The following ABCA8 variants were observed in gnomAD, a reference collection of about 807,000 sequenced individuals.
ABCA8 encodes the protein ATP binding cassette subfamily A member 8.
A neutral mutation model predicts 192.3 loss-of-function variants in ABCA8; 177 were observed. The observed-to-expected ratio is 0.92, with a 90% CI of 0.81 to 1.04. The LOEUF (loss-of-function observed/expected upper bound fraction) is 1.04. ABCA8 is among the 50% of genes least tolerant of loss of function. The pLI is 0.00. For missense variants in ABCA8, 1,915 were observed against 1,904.8 expected, an observed-to-expected ratio of 1.01 and a Z score of -0.10; for synonymous variants, 642 against 690.2, an observed-to-expected ratio of 0.93 and a Z score of 1.09.
intron 10 of ABCA8, among the ~76,000 whole-genome samples, chr17:68,926,450 CA>C (rs1379628972): frequency 2.6e-5 from 4 of 151,188 alleles, no homozygotes; most frequent in Admixed American, 6.6e-5. Context: ...GATAGAAACA[CA>C]AAAAAAAGTC....
chr17:68,919,322 C>A lies in ABCA8; in HGVS notation c.1767G>T (p.Leu589=). Reference sequence around the variant, plus strand: ...GTACCTCTTTATCCACTTCTTGTGGCAGAATCCCTTTTATTTTAGCAAAGA... The same window carrying A: ...GTACCTCTTTATCCACTTCTTGTGGAAGAATCCCTTTTATTTTAGCAAAGA... ...LRLFAKIKGI[L]PQEVDKEIQR... The change falls in exon 14 of 40, where the codon CTG becomes CTT. Residue 589 remains leucine, a synonymous_variant. Coordinates refer to ENST00000586539, the MANE Select transcript of ABCA8 (RefSeq NM_001288985.2). The A allele has an allele frequency of 6.2e-7, 1 of 1,612,078 alleles. No homozygotes were observed. The highest frequency in any genetic ancestry group is 8.5e-7 in the Non-Finnish European group (1 of 1,179,116).
chr17:68,902,408 G>A (rs2066938470), intron 21 of ABCA8, among the ~76,000 whole-genome samples: 1 of 152,172 alleles, frequency 6.6e-6, no homozygotes, highest in Non-Finnish European at 1.5e-5. Context: ...GAAAACCATG[G>A]AATTGTGCAT....
At chr17:68,888,794 C>T (rs577830159) in intron 24 of ABCA8, among the ~76,000 whole-genome samples, 3 of 152,112 alleles carry the variant, frequency 2.0e-5, no homozygotes, top group Non-Finnish European at 4.4e-5. Flanking sequence ...AGAGTCAGAT[C>T]TAGGAGTGAC....
intron 35 of ABCA8, among the ~76,000 whole-genome samples, chr17:68,876,058 C>T (rs2066196856): frequency 1.3e-5 from 2 of 152,108 alleles, no homozygotes; most frequent in Admixed American, 1.3e-4. Flanking sequence ...TTAACAACAG[C>T]GTCTCACAAC....
Position 68,882,635 on chromosome 17 carries a change from TCTCA to T in ABCA8, c.3788_3791del (p.Val1263GlufsTer6). 6.2e-7 allele frequency: 1 copy of T among 1,612,928 alleles called. No individual in the cohort carries two copies. The highest frequency in any genetic ancestry group is 1.1e-5 in the South Asian group (1 of 91,004). ...TAGTAGAATTCAAGGCATTTGCTGT[TCTCA>T]CTCTTTCCATCTGAACATCTTCATC... On this transcript the variant is annotated frameshift_variant, in exon 30 of 40. Transcript: ENST00000586539. LOFTEE classifies it high-confidence loss of function.
chr17:68,951,004 C>T (rs1168607247), intron 1 of ABCA8, among the ~76,000 whole-genome samples: 1 of 152,030 alleles, frequency 6.6e-6, no homozygotes, highest in African/African-American at 2.4e-5. Flanking sequence ...TGAGAGCAGA[C>T]CTGGCCTAGC....
chr17:68,907,946 TTAAC>T, intron 17 of ABCA8, 67 bp from the exon 18 acceptor site: 7 of 1,391,164 alleles, frequency 5.0e-6, no homozygotes, highest in Non-Finnish European at 6.7e-6. Flanking sequence ...AAGAAAATAA[TTAAC>T]TAGTCTCTAT....
chr17:68,892,369 T>C (rs1471982832), intron 23 of ABCA8, among the ~76,000 whole-genome samples: 1 of 152,176 alleles, frequency 6.6e-6, no homozygotes, highest in African/African-American at 2.4e-5. Flanking sequence ...GTAGGGTCAA[T>C]ACTTAGTGGC....
chr17:68,948,637 A>T (rs112883621), intron 2 of ABCA8, among the ~76,000 whole-genome samples: 2,997 of 152,206 alleles, frequency 0.02, 105 homozygotes, highest in African/African-American at 0.067. Context: ...GATTCTAGAC[A>T]TTAGCCCTTT....
chr17:68,889,514 T>A lies in ABCA8; in HGVS notation c.3144+1975A>T, dbSNP rs889015995. On this transcript the variant is annotated intron_variant, in intron 24 of 39. Transcript: ENST00000586539. The stretch of plus-strand genomic sequence containing the variant: ...TTCTCGCATTTCCAAAAATATCATT[T>A]CCTTTTATTTCAACAATCTCTTTTT... Among the ~76,000 whole-genome samples, 10 of 152,232 alleles carry A rather than the reference T, an allele frequency of 6.6e-5. 1 individual carries two copies. The highest frequency in any genetic ancestry group is 5.9e-4 in the Admixed American group (9 of 15,280).
Position 68,887,032 on chromosome 17 carries a change from T to G in ABCA8, c.3414A>C (p.Ser1138=). 6.2e-7 allele frequency: 1 copy of G among 1,604,308 alleles called. No homozygotes were observed. Among genetic ancestry groups the G allele is most frequent in the Non-Finnish European group, 8.5e-7 (1 of 1,171,800 alleles). Residue 1138 remains serine (S), a synonymous_variant, in exon 26 of 40, where the codon TCA becomes TCC. Coordinates refer to ENST00000586539, the MANE Select transcript of ABCA8 (RefSeq NM_001288985.2). The stretch of plus-strand genomic sequence containing the variant: ...ATATACTTACAACATAGAAACAAAA[T>G]GACCAAATGCCACTATTTTTTCTCC... ...RKGRKNSGIW[S]FCFYVVTVFS...
intron 2 of ABCA8, among the ~76,000 whole-genome samples, chr17:68,947,085 A>G (rs1399078044): frequency 2.6e-5 from 4 of 152,190 alleles, no homozygotes; most frequent in Admixed American, 1.3e-4. Flanking sequence ...CTAAATGCAT[A>G]TTGGAAACAT....
rs181071489 is a variant in ABCA8, at chr17:68,911,336, G to T, written c.2139-3457C>A. 2.6e-5 allele frequency among the ~76,000 whole-genome samples: 4 copies of T among 152,000 alleles called. No individual in the cohort carries two copies. Among genetic ancestry groups the T allele is most frequent in the African/African-American group, 4.8e-5 (2 of 41,392 alleles). ...GCAGGCCTGGGGCAGTGGTGACTAG[G>T]GGGAGAGACTCCTTCTCCTTGAGGA... On this transcript the variant is annotated intron_variant, in intron 17 of 39. Coordinates refer to ENST00000586539, the MANE Select transcript of ABCA8 (RefSeq NM_001288985.2). This position sits in a 1 kb window ranked among gnomAD's most constrained non-coding sequence, Gnocchi z 5.7.
intron 35 of ABCA8, chr17:68,876,237 A>C: frequency 6.9e-6 from 4 of 581,378 alleles, no homozygotes; most frequent in Non-Finnish European, 9.0e-6. Flanking sequence ...AGTGAGACCT[A>C]TGGGCCCTAA....
intron 23 of ABCA8, 99 bp downstream of exon 23, chr17:68,894,074 T>C: frequency 8.0e-7 from 1 of 1,249,242 alleles, no homozygotes; most frequent in Non-Finnish European, 1.2e-6. Flanking sequence ...TATTATGCAG[T>C]GGTTTACTCA....
chr17:68,875,833 G>C (rs2066190137), intron 35 of ABCA8, 100 bp from the exon 36 acceptor site: 1 of 1,354,496 alleles, frequency 7.4e-7, no homozygotes, highest in Non-Finnish European at 1.0e-6. Flanking sequence ...TGAATAATTA[G>C]CAAAAAGAGA....
At chr17:68,919,527 ATAAAATC>A in intron 13 of ABCA8, 51 bp from the exon 14 acceptor site, 1 of 1,479,998 alleles carries the variant, frequency 6.8e-7, no homozygotes, top group Non-Finnish European at 9.3e-7. Context: ...ATATTTCTTA[ATAAAATC>A]GCTGTTAATT....
intron 1 of ABCA8, among the ~76,000 whole-genome samples, chr17:68,954,739 A>G (rs1156835896): frequency 6.6e-6 from 1 of 152,208 alleles, no homozygotes. Flanking sequence ...ACTAAGAGTG[A>G]GCGATAGGAA....
Position 68,921,272 on chromosome 17 carries a change from G to C in ABCA8, c.1612+110C>G, listed in dbSNP as rs535578399. 3.7e-4 allele frequency: 211 copies of C among 574,952 alleles called. 1 individual carries two copies. The highest frequency in any genetic ancestry group is 3.7e-3 in the African/African-American group (192 of 52,444). 35.6% of individuals were successfully genotyped at this position (574,952 alleles called of 1,614,324 possible). On this transcript the variant is annotated intron_variant, in intron 13 of 39. Coordinates refer to ENST00000586539, the MANE Select transcript of ABCA8 (RefSeq NM_001288985.2). ...GTTAAATGACGCGTTAATGGGTGCA[G>C]CACACCAACATGGCACATGTATACA...
Sources: gnomAD v4.1 joint callset for allele counts (sites outside exome capture counted in the v4.1 genomes callset) on GRCh38, gnomAD v4.1.1 for gene constraint, Gnocchi (gnomAD v3.1) non-coding constraint, MANE v1.5 for transcripts, NCBI Gene and HGNC (gene_info 2026-07-23, HGNC 2026-07-21) for gene names.